The following LRRC4C variants were observed in gnomAD, a reference collection of about 807,000 sequenced individuals.
The protein encoded by LRRC4C is leucine rich repeat containing 4C.
LRRC4C carries 5 observed loss-of-function variants against 33.6 expected under a neutral mutation model. The ratio of observed to expected loss-of-function variants is 0.15; its 90% confidence interval spans 0.08 to 0.31. The LOEUF is 0.31. LRRC4C is among the 10% of genes least tolerant of loss of function. The pLI, the probability that LRRC4C is intolerant of heterozygous loss-of-function variation, is 1.00. For synonymous variants in LRRC4C, 329 were observed against 302.0 expected (o/e 1.09, Z -0.93); for missense variants, 560 against 796.7 (o/e 0.70, Z 3.58).
At chr11:40,440,883 T>G (rs931563830) in intron 3 of LRRC4C, among the ~76,000 whole-genome samples, 4 of 151,468 alleles carry the variant, frequency 2.6e-5, no homozygotes, top group African/African-American at 9.8e-5. Context: ...TTTTTTTTAT[T>G]AGTGCAGCAA....
At chr11:40,553,429 T>A (rs1957206608) in intron 3 of LRRC4C, among the ~76,000 whole-genome samples, 1 of 152,210 alleles carries the variant, frequency 6.6e-6, no homozygotes, top group Non-Finnish European at 1.5e-5. Context: ...CTATCTAGAT[T>A]ATTGAGGTAA....
intron 1 of LRRC4C, among the ~76,000 whole-genome samples, chr11:41,140,433 C>A (rs1458800110): frequency 2.2e-5 from 3 of 137,386 alleles, no homozygotes; most frequent in African/African-American, 7.9e-5. Context: ...ACTGATCCAT[C>A]AGAACCAAAT....
intron 3 of LRRC4C, among the ~76,000 whole-genome samples, chr11:40,584,610 G>T (rs1958626969): frequency 6.6e-6 from 1 of 152,182 alleles, no homozygotes; most frequent in South Asian, 2.1e-4. Flanking sequence ...AGAGAATCCA[G>T]AGGCATGGCT....
intron 2 of LRRC4C, among the ~76,000 whole-genome samples, chr11:40,669,604 A>G (rs1943983603): frequency 6.6e-6 from 1 of 152,210 alleles, no homozygotes; most frequent in Admixed American, 6.5e-5. Flanking sequence ...TTTAATCAGC[A>G]CTTGTGTGCT....
intron 2 of LRRC4C, among the ~76,000 whole-genome samples, chr11:40,825,338 T>C (rs1952114493): frequency 1.3e-5 from 2 of 151,830 alleles, no homozygotes; most frequent in Admixed American, 6.6e-5. Flanking sequence ...CATCACCTCC[T>C]CTCTTAAAGG....
chr11:40,442,653 A>C (rs1951449711), intron 3 of LRRC4C, among the ~76,000 whole-genome samples: 1 of 152,302 alleles, frequency 6.6e-6, no homozygotes, highest in East Asian at 1.9e-4. Context: ...GGGTTGAAGT[A>C]GTTTCTGCAA....
intron 1 of LRRC4C, among the ~76,000 whole-genome samples, chr11:41,227,990 T>C (rs1947617154): frequency 6.6e-6 from 1 of 152,112 alleles, no homozygotes; most frequent in Non-Finnish European, 1.5e-5. Context: ...AATAGGGCAT[T>C]TGAATGTATT....
At chr11:40,385,808 A>G (rs1395767347) in intron 3 of LRRC4C, among the ~76,000 whole-genome samples, 1 of 151,806 alleles carries the variant, frequency 6.6e-6, no homozygotes, top group Non-Finnish European at 1.5e-5. Context: ...TGGAGGTTTC[A>G]GTGAGCCGAG....
chr11:40,897,959 T>C (rs1201436945), intron 2 of LRRC4C, among the ~76,000 whole-genome samples: 1 of 152,198 alleles, frequency 6.6e-6, no homozygotes, highest in Admixed American at 6.5e-5. Flanking sequence ...CAAAACTGTT[T>C]ATGCAGTTTT....
At chr11:40,789,450 A>T (rs943506732) in intron 2 of LRRC4C, among the ~76,000 whole-genome samples, 10 of 152,218 alleles carry the variant, frequency 6.6e-5, no homozygotes, top group East Asian at 1.9e-4. Context: ...TAATAAAATT[A>T]AAAAAATTAT....
At chr11:40,805,510 G>C (rs1053487786) in intron 2 of LRRC4C, among the ~76,000 whole-genome samples, 1 of 151,984 alleles carries the variant, frequency 6.6e-6, no homozygotes, top group African/African-American at 2.4e-5. Context: ...ATGCAGTTCT[G>C]AGACTATGTA....
chr11:40,152,604 A>G (rs1199886718), intron 5 of LRRC4C, among the ~76,000 whole-genome samples: 1 of 152,134 alleles, frequency 6.6e-6, no homozygotes, highest in Admixed American at 6.6e-5. Flanking sequence ...GTTGTGGGGC[A>G]CAGTGGGAGT....
intron 1 of LRRC4C, among the ~76,000 whole-genome samples, chr11:41,282,110 A>G (rs1949695067): frequency 1.3e-5 from 2 of 152,200 alleles, no homozygotes; most frequent in African/African-American, 2.4e-5. Context: ...TGGACCTGAA[A>G]GAGTAGAGCG....
intron 1 of LRRC4C, among the ~76,000 whole-genome samples, chr11:41,019,281 T>G (rs1437749677): frequency 6.6e-6 from 1 of 152,194 alleles, no homozygotes; most frequent in Non-Finnish European, 1.5e-5. Context: ...TTTGGTTTTC[T>G]GTTCCTGTGT....
chr11:40,671,698 A>G (rs61886817), intron 2 of LRRC4C, among the ~76,000 whole-genome samples: 9,579 of 94,420 alleles, frequency 0.1, 1,035 homozygotes, highest in African/African-American at 0.31. Context: ...ATATGTGTGT[A>G]TATATATAGT....
Position 40,527,811 on chromosome 11 carries a change from C to T in LRRC4C, c.-270+120331G>A, listed in dbSNP as rs535704747. On this transcript the variant is annotated intron_variant, in intron 3 of 6. Transcript: ENST00000528697. ...TTACCCAGGCTGGAGTGCAATGGCA[C>T]GATCTCGGCTCACCACAACCTCCAC... 2.8e-4 allele frequency among the ~76,000 whole-genome samples: 42 copies of T among 152,010 alleles called. No individual in the cohort carries two copies. The South Asian group carries it at 7.1e-3, about 26-fold the overall frequency.
At chr11:41,400,435 T>A (rs1191836429) in intron 1 of LRRC4C, among the ~76,000 whole-genome samples, 2 of 151,868 alleles carry the variant, frequency 1.3e-5, no homozygotes, top group African/African-American at 4.8e-5. Flanking sequence ...GTCCAACCAA[T>A]AACACAATTT....
chr11:40,959,129 C>T (rs938061897), intron 1 of LRRC4C, among the ~76,000 whole-genome samples: 26 of 151,564 alleles, frequency 1.7e-4, no homozygotes, highest in African/African-American at 6.3e-4. Flanking sequence ...GCTCAATCAT[C>T]AATACTTTGA....
chr11:40,540,591 T>G (rs533131420), intron 3 of LRRC4C, among the ~76,000 whole-genome samples: 1 of 152,214 alleles, frequency 6.6e-6, no homozygotes, highest in South Asian at 2.1e-4. Context: ...GTTCTAAAAT[T>G]TAGGTAAGGG....
Sources: gnomAD v4.1 joint callset for allele counts (sites outside exome capture counted in the v4.1 genomes callset) on GRCh38, gnomAD v4.1.1 for gene constraint, MANE v1.5 for transcripts, NCBI Gene and HGNC (gene_info 2026-07-23, HGNC 2026-07-21) for gene names.